Variants in MEGF11 observed in about 807,000 individuals in gnomAD.
The protein encoded by MEGF11 is multiple epidermal growth factor-like domains protein 11.
MEGF11 carries 126 observed loss-of-function variants against 146.6 expected under a neutral mutation model. The observed-to-expected ratio is 0.86, with a 90% CI of 0.74 to 1.00. The LOEUF (loss-of-function observed/expected upper bound fraction) is 1.00. Ranked by LOEUF, MEGF11 falls within the 50% of genes least tolerant of loss-of-function variation. The probability of loss-of-function intolerance (pLI) is 0.00; values close to 1 mark genes in which losing one functional copy is unlikely to be tolerated. For synonymous variants in MEGF11, 532 were observed against 583.4 expected, an observed-to-expected ratio of 0.91 and a Z score of 1.27; for missense variants, 1,509 against 1,521.2, an observed-to-expected ratio of 0.99 and a Z score of 0.13.
chr15:66,162,063 A>G (rs183791424), intron 1 of MEGF11, among the ~76,000 whole-genome samples: 48 of 152,282 alleles, frequency 3.2e-4, no homozygotes, highest in Admixed American at 2.9e-3. Context: ...AATTGATCCT[A>G]TGACACACTT....
At chr15:66,168,801 T>A (rs7182372) in intron 1 of MEGF11, among the ~76,000 whole-genome samples, 151,362 of 152,316 alleles carry the variant, frequency 0.99, 75,213 homozygotes, top group Middle Eastern at 1. Flanking sequence ...CAGCCTGGCC[T>A]ACATAGTGAA....
Position 66,034,620 on chromosome 15 carries a change from A to T in MEGF11, c.395-52132T>A, listed in dbSNP as rs2083656633. On this transcript the variant is annotated intron_variant, in intron 5 of 25. Coordinates refer to ENST00000395614, the MANE Select transcript of MEGF11 (RefSeq NM_001385028.1). ...TTTTTTGTAGAGATGGGGTCTTACC[A>T]TGTTGCCCAGGATGGTCTCGAACTC... Among the ~76,000 whole-genome samples the T allele has an allele frequency of 2.0e-5, 3 of 152,004 alleles. No individual in the cohort carries two copies. The South Asian group carries it at 6.2e-4, about 32-fold the overall frequency.
intron 4 of MEGF11, among the ~76,000 whole-genome samples, chr15:66,105,218 T>C (rs893790186): frequency 6.6e-6 from 1 of 152,150 alleles, no homozygotes; most frequent in Non-Finnish European, 1.5e-5. Flanking sequence ...TCCTAGTGCT[T>C]GCACCTGCTC....
chr15:65,977,350 GCT>G, intron 7 of MEGF11, among the ~76,000 whole-genome samples: 1 of 152,120 alleles, frequency 6.6e-6, no homozygotes, highest in Non-Finnish European at 1.5e-5. Flanking sequence ...TGGACAGTGA[GCT>G]GTGGTTGGTA....
intron 17 of MEGF11, 120 bp downstream of exon 17, chr15:65,916,708 C>T (rs2079009989): frequency 6.7e-7 from 1 of 1,502,826 alleles, no homozygotes. Context: ...GAGTCAGGTA[C>T]CACCAGTCCT....
In MEGF11 at chr15:65,916,975, G is replaced by A. The variant is rs1015473745; in HGVS notation, c.2087-19C>T. 3.4e-6 allele frequency: 5 copies of A among 1,490,190 alleles called. No homozygotes were observed. The highest frequency in any genetic ancestry group is 4.5e-6 in the Non-Finnish European group (5 of 1,113,800). The allele number at this position is 1,490,190 out of a possible 1,614,324, so 92.3% of individuals were successfully genotyped here. A position where few individuals can be genotyped will look rare whatever the true frequency, so the allele number is the denominator to read the frequency against. On this transcript the variant is annotated intron_variant, in intron 16 of 25. Coordinates refer to ENST00000395614, the MANE Select transcript of MEGF11 (RefSeq NM_001385028.1). ...GGGCAAGCTGGGATGTCGGTGAAAT[G>A]CAGAGGGTGAGGGGAAGGCAGAGAG... is the stretch of plus-strand genomic sequence containing the variant.
chr15:65,999,327 C>T (rs570843063), intron 5 of MEGF11, among the ~76,000 whole-genome samples: 2 of 152,200 alleles, frequency 1.3e-5, no homozygotes, highest in African/African-American at 4.8e-5. Flanking sequence ...ACTGCACCTG[C>T]CCGGTATCAC....
intron 5 of MEGF11, among the ~76,000 whole-genome samples, chr15:66,074,169 T>C (rs1374515015): frequency 6.6e-6 from 1 of 152,210 alleles, no homozygotes. Flanking sequence ...GTGGATCCTT[T>C]CTATGCCTGT....
intron 5 of MEGF11, among the ~76,000 whole-genome samples, chr15:66,034,146 G>T (rs1472197672): frequency 1.3e-5 from 2 of 152,214 alleles, no homozygotes; most frequent in East Asian, 3.8e-4. Flanking sequence ...GAACGGAAGT[G>T]TCTGTCCTAT....
At chr15:66,252,196 C>T (rs946393171) in intron 1 of MEGF11, among the ~76,000 whole-genome samples, 1 of 151,850 alleles carries the variant, frequency 6.6e-6, no homozygotes, top group Admixed American at 6.6e-5. Flanking sequence ...CCGATTGCCC[C>T]AGCCGGCCGC....
At chr15:66,124,846 A>C (rs2088256119) in intron 2 of MEGF11, among the ~76,000 whole-genome samples, 1 of 152,256 alleles carries the variant, frequency 6.6e-6, no homozygotes, top group South Asian at 2.1e-4. Flanking sequence ...CATTCAAGCC[A>C]GGATGCTGAA....
intron 5 of MEGF11, among the ~76,000 whole-genome samples, chr15:66,077,229 T>C (rs2085630208): frequency 6.6e-6 from 1 of 152,368 alleles, no homozygotes; most frequent in East Asian, 1.9e-4. Flanking sequence ...ACCTTTGCTA[T>C]GTGGGTGGGC....
At position 66,220,639 on chromosome 15, in the gene MEGF11, G is replaced by A. The variant is rs185365303; in HGVS notation, c.-9+32966C>T. Among the ~76,000 whole-genome samples the A allele has an allele frequency of 6.9e-4, 103 of 149,460 alleles. No homozygotes were observed. In the South Asian group the frequency reaches 0.018, roughly 26 times the overall value. On this transcript the variant is annotated intron_variant, in intron 1 of 25. Transcript: ENST00000395614. Reference sequence around the variant, plus strand: ...TGCAGCCTTGACCTCCCAGGATCACGCAATCCTTTCACCTCAGCCTCCAGA... The same window carrying A: ...TGCAGCCTTGACCTCCCAGGATCACACAATCCTTTCACCTCAGCCTCCAGA...
chr15:65,989,147 C>G (rs1234915917), intron 5 of MEGF11, among the ~76,000 whole-genome samples: 1 of 152,148 alleles, frequency 6.6e-6, no homozygotes, highest in Non-Finnish European at 1.5e-5. Context: ...CCCATGATCT[C>G]TGTTCTCACT....
At chr15:66,089,157 G>A (rs551928498) in intron 5 of MEGF11, among the ~76,000 whole-genome samples, 5 of 152,258 alleles carry the variant, frequency 3.3e-5, no homozygotes, top group Admixed American at 2.0e-4. Flanking sequence ...AAGCCAAGTC[G>A]GCCTGGGGTC....
intron 5 of MEGF11, among the ~76,000 whole-genome samples, chr15:66,010,531 T>C (rs2082679183): frequency 6.6e-6 from 1 of 152,184 alleles, no homozygotes; most frequent in South Asian, 2.1e-4. Context: ...TGAATTTGTG[T>C]TGGGTCACAT....
chr15:65,919,507 G>A (rs973156960), intron 15 of MEGF11, among the ~76,000 whole-genome samples: 3 of 151,984 alleles, frequency 2.0e-5, no homozygotes, highest in African/African-American at 4.8e-5. Flanking sequence ...AAAAAACAAT[G>A]TACATGTCTT....
rs751120255 is a variant in MEGF11, at chr15:65,897,960, C to G, written c.3397G>C (p.Gly1133Arg). The change falls in exon 26 of 26, where the codon GGG becomes CGG. Residue 1133 changes from glycine (G) to arginine (R), a missense_variant. Physicochemically the swap from Gly to Arg is moderately radical, Grantham distance 125. Transcript: ENST00000395614. The part of the protein sequence containing the change: ...LLPVRQSPAN[G>R]PSQDKQS ...TAAGATTGCTTGTCCTGGGACGGCCCATTGGCAGGGCTCTGTCTTACTGGG... is the reference window on the plus strand; with the variant it reads ...TAAGATTGCTTGTCCTGGGACGGCCGATTGGCAGGGCTCTGTCTTACTGGG... 6.2e-7 allele frequency: 1 copy of G among 1,613,968 alleles called. No individual in the cohort carries two copies. Among genetic ancestry groups the G allele is most frequent in the South Asian group, 1.1e-5 (1 of 91,084 alleles).
intron 5 of MEGF11, among the ~76,000 whole-genome samples, chr15:66,009,849 C>T (rs2082654228): frequency 6.6e-6 from 1 of 152,104 alleles, no homozygotes; most frequent in Admixed American, 6.5e-5. Context: ...CCACATCGGC[C>T]TCCCAAAGTG....
Sources: allele counts gnomAD v4.1 joint callset (sites outside exome capture counted in the v4.1 genomes callset), GRCh38; gene constraint gnomAD v4.1.1; transcripts MANE v1.5; gene names NCBI Gene and HGNC (gene_info 2026-07-23, HGNC 2026-07-21).